Variants in CHD9 observed in about 807,000 individuals in gnomAD.
CHD9 encodes ATP-dependent chromatin remodeler CHD9.
A neutral mutation model predicts 316.1 loss-of-function variants in CHD9; 77 were observed. The observed-to-expected ratio is 0.24, with a 90% CI of 0.20 to 0.29. The LOEUF is 0.29. CHD9 is among the 10% of genes least tolerant of loss of function. The pLI is 1.00. For missense variants in CHD9, 2,763 were observed against 3,438.1 expected (o/e 0.80, Z 4.91); for synonymous variants, 1,129 against 1,158.3 (o/e 0.97, Z 0.51).
intron 2 of CHD9, among the ~76,000 whole-genome samples, chr16:53,188,471 A>T (rs185200601): frequency 6.6e-6 from 1 of 151,676 alleles, no homozygotes; most frequent in African/African-American, 2.4e-5. Context: ...ATACTTGCCA[A>T]TGCCTGTTTT....
intron 29 of CHD9, 64 bp downstream of exon 29, chr16:53,293,116 T>C (rs2054485029): frequency 1.4e-6 from 2 of 1,395,362 alleles, no homozygotes; most frequent in African/African-American, 2.9e-5. Context: ...CTAAAGCCTG[T>C]CTGGGTACAA....
At chr16:53,233,008 T>A (rs1006712591) in intron 10 of CHD9, among the ~76,000 whole-genome samples, 4 of 152,186 alleles carry the variant, frequency 2.6e-5, no homozygotes, top group Non-Finnish European at 5.9e-5. Context: ...TGTGGGGAAT[T>A]CTTCCGACCA....
intron 2 of CHD9, among the ~76,000 whole-genome samples, chr16:53,158,860 C>T (rs1266759129): frequency 6.6e-6 from 1 of 152,138 alleles, no homozygotes; most frequent in Non-Finnish European, 1.5e-5. Flanking sequence ...TAATCTTGAG[C>T]TCCTGTACTC....
At chr16:53,204,048 A>ATATAT (rs1460965091) in intron 2 of CHD9, among the ~76,000 whole-genome samples, 2 of 77,438 alleles carry the variant, frequency 2.6e-5, no homozygotes, top group African/African-American at 1.0e-4. Flanking sequence ...AAAAAAAAAA[A>ATATAT]ATATATATAT....
At chr16:53,269,430 C>A (rs181765381) in intron 22 of CHD9, among the ~76,000 whole-genome samples, 27 of 152,254 alleles carry the variant, frequency 1.8e-4, no homozygotes, top group Non-Finnish European at 3.1e-4. Context: ...ACCTTACATT[C>A]TAACCAGGTA....
At chr16:53,297,190 G>A (rs566366802) in intron 30 of CHD9, 32 bp downstream of exon 30, 1 of 1,537,030 alleles carries the variant, frequency 6.5e-7, no homozygotes, top group African/African-American at 1.4e-5. Context: ...CCTGGTTTCG[G>A]TCAAAGAAGC....
rs747637508 is a variant in CHD9 at position 53,318,221 on chromosome 16, C to T, written c.7594C>T (p.Leu2532Phe). The change falls in exon 37 of 39, where the codon CTT (leucine) becomes TTT (phenylalanine). Residue 2532 changes from leucine to phenylalanine, a missense_variant. By Grantham distance (22) the Leu-to-Phe change is conservative. Coordinates refer to ENST00000447540, the MANE Select transcript of CHD9 (RefSeq NM_001308319.2). ...TATCTATATATTTTAGAGAATGCAG[C>T]TTCATGAGGGAAGACCCAAACAAAA... Reference protein sequence around the residue: ...DLGAFIPRMQLHEGRPKQKRH... With the variant: ...DLGAFIPRMQFHEGRPKQKRH... 1 of 1,610,922 alleles carries T rather than the reference C, an allele frequency of 6.2e-7. No individual in the cohort carries two copies. Among genetic ancestry groups the T allele is most frequent in the South Asian group, 1.1e-5 (1 of 90,480 alleles).
intron 1 of CHD9, among the ~76,000 whole-genome samples, chr16:53,109,858 G>T (rs914766649): frequency 6.6e-6 from 1 of 150,946 alleles, no homozygotes; most frequent in Non-Finnish European, 1.5e-5. Flanking sequence ...CTAATTTTTT[G>T]TATTTTTAGT....
chr16:53,238,265 A>G, intron 11 of CHD9, 78 bp from the exon 12 acceptor site: 1 of 1,244,072 alleles, frequency 8.0e-7, no homozygotes, highest in Non-Finnish European at 1.1e-6. Flanking sequence ...TTGATCTTTG[A>G]TTATTTTTGT....
At chr16:53,195,694 G>T (rs1331574328) in intron 2 of CHD9, among the ~76,000 whole-genome samples, 1 of 149,106 alleles carries the variant, frequency 6.7e-6, no homozygotes, top group Non-Finnish European at 1.5e-5. Context: ...TTTTTTTTAA[G>T]TTTTATTTTG....
intron 16 of CHD9, 156 bp downstream of exon 16, chr16:53,247,659 G>C (rs554114202): frequency 4.8e-6 from 3 of 627,704 alleles, no homozygotes; most frequent in Admixed American, 6.3e-5. Flanking sequence ...AGGATTATGT[G>C]TTATATTTTC....
At chr16:53,175,484 G>A (rs7499380) in intron 2 of CHD9, among the ~76,000 whole-genome samples, 1 of 152,164 alleles carries the variant, frequency 6.6e-6, no homozygotes, top group African/African-American at 2.4e-5. Context: ...TTGTTTTTCA[G>A]TTGTTTCAAG....
At chr16:53,177,308 A>T (rs2043159474) in intron 2 of CHD9, among the ~76,000 whole-genome samples, 1 of 152,250 alleles carries the variant, frequency 6.6e-6, no homozygotes, top group Non-Finnish European at 1.5e-5. Flanking sequence ...ATAGCTTCTA[A>T]GTCACAGACT....
In CHD9 at chr16:53,225,357, C is replaced by G. The variant is rs560244482; in HGVS notation, c.1897-1009C>G. Among the ~76,000 whole-genome samples, 23 of 152,278 alleles carry G rather than the reference C, an allele frequency of 1.5e-4. No individual in the cohort carries two copies. In the South Asian group the frequency reaches 4.8e-3, roughly 32 times the overall value. On this transcript the variant is annotated intron_variant, in intron 4 of 38. Transcript: ENST00000447540. ...AATTGAACAGTTGGTTGAGATGCCA[C>G]TACCCGCATGAAATGTCTCTACCCC...
At chr16:53,121,244 C>A in intron 1 of CHD9, 2 of 416,004 alleles carry the variant, frequency 4.8e-6, no homozygotes, top group Non-Finnish European at 9.6e-6. Context: ...TGAGTGAATT[C>A]ACTTTTTAAA....
chr16:53,100,316 G>A (rs1362799479), intron 1 of CHD9, among the ~76,000 whole-genome samples: 2 of 152,170 alleles, frequency 1.3e-5, no homozygotes, highest in East Asian at 1.9e-4. Flanking sequence ...CTCTGAATGT[G>A]AGGAGAATAG....
intron 2 of CHD9, among the ~76,000 whole-genome samples, chr16:53,201,920 C>CTAA (rs774047658): frequency 6.6e-6 from 1 of 151,888 alleles, no homozygotes; most frequent in Non-Finnish European, 1.5e-5. Flanking sequence ...AGTACAGGGG[C>CTAA]TAATCATAGC....
intron 22 of CHD9, among the ~76,000 whole-genome samples, chr16:53,271,912 C>T (rs192210826): frequency 1.7e-4 from 26 of 152,034 alleles, no homozygotes; most frequent in African/African-American, 5.8e-4. Context: ...TATTTCGAAC[C>T]AACAAGGGTG....
rs1410482269 is a variant in CHD9 at position 53,227,556 on chromosome 16, T to A, written c.2121T>A (p.Pro707=). Residue 707 remains proline (P), a synonymous_variant, in exon 7 of 39, where the codon CCT becomes CCA. Coordinates refer to ENST00000447540, the MANE Select transcript of CHD9 (RefSeq NM_001308319.2). The stretch of plus-strand genomic sequence containing the variant: ...TGATTTTCTTTTCTTAGATATCACC[T>A]GGAGTGATGATTGATACAGAAGAAT... ...SSRTVKKEIS[P]GVMIDTEEFF... is the part of the protein sequence containing the mutation. 2 of 1,440,340 alleles carry A rather than the reference T, an allele frequency of 1.4e-6. No individual in the cohort carries two copies. Among genetic ancestry groups the A allele is most frequent in the Admixed American group, 4.8e-5 (2 of 41,490 alleles). 89.2% of individuals were successfully genotyped at this position (1,440,340 alleles called of 1,614,324 possible). A position where few individuals can be genotyped will look rare whatever the true frequency, so the allele number is the denominator to read the frequency against.
Sources: gnomAD v4.1 joint callset for allele counts (sites outside exome capture counted in the v4.1 genomes callset) on GRCh38, gnomAD v4.1.1 for gene constraint, MANE v1.5 for transcripts, NCBI Gene and HGNC (gene_info 2026-07-23, HGNC 2026-07-21) for gene names.